RBMS3: variants seen among roughly 807,000 people sequenced by gnomAD.
The protein encoded by RBMS3 is RNA-binding motif, single-stranded-interacting protein 3.
In RBMS3, 27 loss-of-function variants were observed where a neutral mutation model predicts 66.8. The observed-to-expected ratio is 0.40, with a 90% confidence interval of 0.30 to 0.56. The LOEUF (loss-of-function observed/expected upper bound fraction) is 0.56, where lower values mean the gene tolerates loss of function less well. Among genes scored for constraint, RBMS3 ranks in the 20% least tolerant of loss-of-function variants. The probability of loss-of-function intolerance (pLI) is 0.40; values close to 1 mark genes in which losing one functional copy is unlikely to be tolerated. For synonymous variants in RBMS3, 188 were observed against 183.0 expected (o/e 1.03, Z -0.22); for missense variants, 513 against 549.5 (o/e 0.93, Z 0.66).
At chr3:29,618,870 T>C (rs1426960853) in intron 4 of RBMS3, among the ~76,000 whole-genome samples, 1 of 152,094 alleles carries the variant, frequency 6.6e-6, no homozygotes, top group Non-Finnish European at 1.5e-5. Flanking sequence ...ACAAGAACAA[T>C]GACAACAACA....
At chr3:29,837,176 C>T (rs1314396916) in intron 6 of RBMS3, among the ~76,000 whole-genome samples, 2 of 151,922 alleles carry the variant, frequency 1.3e-5, no homozygotes, top group African/African-American at 2.4e-5. Context: ...ATGATAGTTC[C>T]AACACAGGTG....
At chr3:29,889,889 A>G (rs1352877952) in intron 8 of RBMS3, among the ~76,000 whole-genome samples, 1 of 151,600 alleles carries the variant, frequency 6.6e-6, no homozygotes, top group Non-Finnish European at 1.5e-5. Context: ...CCATCAAGTC[A>G]GTCTGTCCCC....
At chr3:29,291,246 A>C (rs891926929) in intron 1 of RBMS3, among the ~76,000 whole-genome samples, 20 of 151,920 alleles carry the variant, frequency 1.3e-4, no homozygotes, top group African/African-American at 4.8e-4. Flanking sequence ...TAGGTCTTTA[A>C]GATGGTCAGA....
chr3:29,899,072 C>A (rs1055745200), intron 9 of RBMS3, among the ~76,000 whole-genome samples: 2 of 151,544 alleles, frequency 1.3e-5, no homozygotes, highest in South Asian at 4.1e-4. Context: ...CTTATACAGG[C>A]TGACTTTTTC....
intron 6 of RBMS3, among the ~76,000 whole-genome samples, chr3:29,796,377 C>T (rs2057187809): frequency 6.6e-6 from 1 of 152,112 alleles, no homozygotes; most frequent in Non-Finnish European, 1.5e-5. Flanking sequence ...AAACACCTTC[C>T]TCCAAACTCC....
intron 3 of RBMS3, 72 bp downstream of exon 3, chr3:29,488,571 G>T: frequency 7.3e-7 from 1 of 1,373,182 alleles, no homozygotes; most frequent in Non-Finnish European, 1.0e-6. Flanking sequence ...CATTGTGGAG[G>T]TCCAGGTACC....
chr3:29,678,265 T>C (rs1223744468), intron 4 of RBMS3, among the ~76,000 whole-genome samples: 3 of 152,142 alleles, frequency 2.0e-5, no homozygotes, highest in African/African-American at 7.2e-5. Flanking sequence ...TCAAAATATA[T>C]GTTAAATAGG....
chr3:29,826,533 A>G lies in RBMS3; in HGVS notation c.638-42325A>G, dbSNP rs1329278140. 3.3e-5 allele frequency among the ~76,000 whole-genome samples: 5 copies of G among 152,168 alleles called. No individual in the cohort carries two copies. In the East Asian group the frequency reaches 9.6e-4, roughly 29 times the overall value. ...TATTAGTCTTCTATTGGTGTAACAA[A>G]CTACCACAAACTGGGTGGCTTAAAA... On this transcript the variant is annotated intron_variant, in intron 6 of 14. Transcript: ENST00000383767.
At chr3:29,960,604 C>A (rs1696364345) in intron 12 of RBMS3, among the ~76,000 whole-genome samples, 1 of 152,220 alleles carries the variant, frequency 6.6e-6, no homozygotes, top group Non-Finnish European at 1.5e-5. Flanking sequence ...CATGAGAGTT[C>A]TCTGTCCCTG....
intron 11 of RBMS3, among the ~76,000 whole-genome samples, chr3:29,940,489 G>T (rs980150465): frequency 6.6e-6 from 1 of 151,894 alleles, no homozygotes; most frequent in African/African-American, 2.4e-5. Flanking sequence ...GCTGACGGAA[G>T]TTGTAGCTAT....
intron 1 of RBMS3, among the ~76,000 whole-genome samples, chr3:29,392,511 C>T (rs2039346807): frequency 6.6e-6 from 1 of 152,024 alleles, no homozygotes; most frequent in South Asian, 2.1e-4. Flanking sequence ...AAAATAGTTG[C>T]AAAGTAAATT....
chr3:29,600,232 A>T (rs1013148422), intron 4 of RBMS3, among the ~76,000 whole-genome samples: 1 of 152,092 alleles, frequency 6.6e-6, no homozygotes, highest in East Asian at 1.9e-4. Flanking sequence ...TGTCCCTTCA[A>T]ACCTCATGCT....
At chr3:29,688,220 C>T (rs955144685) in intron 4 of RBMS3, among the ~76,000 whole-genome samples, 1 of 152,100 alleles carries the variant, frequency 6.6e-6, no homozygotes, top group African/African-American at 2.4e-5. Flanking sequence ...GAAACAATGA[C>T]CAATCTTCCA....
chr3:29,577,159 G>T (rs2047148759), intron 3 of RBMS3, among the ~76,000 whole-genome samples: 1 of 152,152 alleles, frequency 6.6e-6, no homozygotes, highest in African/African-American at 2.4e-5. Flanking sequence ...CTTCAATGCA[G>T]CAGGTTGCCT....
chr3:29,641,474 T>C (rs929040395), intron 4 of RBMS3, among the ~76,000 whole-genome samples: 2 of 152,078 alleles, frequency 1.3e-5, no homozygotes, highest in Non-Finnish European at 2.9e-5. Context: ...ATATCTTAAA[T>C]GTATATTTCA....
At chr3:29,471,413 G>A (rs936566366) in intron 2 of RBMS3, among the ~76,000 whole-genome samples, 11 of 152,122 alleles carry the variant, frequency 7.2e-5, no homozygotes, top group South Asian at 2.1e-4. Context: ...AAGTACACAC[G>A]ACATAAATAT....
chr3:29,635,936 A>T (rs2149185497), intron 4 of RBMS3, among the ~76,000 whole-genome samples: 1 of 151,968 alleles, frequency 6.6e-6, no homozygotes, highest in Admixed American at 6.6e-5. Context: ...GCCCACAGAA[A>T]GCAAAACTAA....
chr3:29,417,570 C>T (rs2040530080), intron 1 of RBMS3, among the ~76,000 whole-genome samples: 1 of 151,912 alleles, frequency 6.6e-6, no homozygotes, highest in Admixed American at 6.6e-5. Flanking sequence ...TATGCTGTAC[C>T]CTAATTCCAG....
chr3:29,525,043 G>A (rs926058221), intron 3 of RBMS3, among the ~76,000 whole-genome samples: 15 of 152,094 alleles, frequency 9.9e-5, no homozygotes, highest in African/African-American at 3.4e-4. Context: ...TGCGGAGTAA[G>A]ACGTTGTCTC....
Sources: allele counts gnomAD v4.1 joint callset (sites outside exome capture counted in the v4.1 genomes callset), GRCh38; gene constraint gnomAD v4.1.1; transcripts MANE v1.5; gene names NCBI Gene and HGNC (gene_info 2026-07-23, HGNC 2026-07-21).